The following SLC27A6 variants were observed in gnomAD, a reference collection of about 807,000 sequenced individuals.
The protein encoded by SLC27A6 is solute carrier family 27 member 6.
A neutral mutation model predicts 63.9 loss-of-function variants in SLC27A6; 74 were observed. The ratio of observed to expected loss-of-function variants is 1.16; its 90% CI spans 0.96 to 1.40. SLC27A6 has a LOEUF of 1.40. Among genes scored for constraint, SLC27A6 ranks in the 40% most tolerant of loss-of-function variants. SLC27A6 has a pLI of 0.00. For synonymous variants in SLC27A6, 287 were observed against 260.8 expected (o/e 1.10, Z -0.97); for missense variants, 794 against 732.9 (o/e 1.08, Z -0.96).
chr5:128,989,490 A>G (rs1750901383), intron 3 of SLC27A6, among the ~76,000 whole-genome samples: 1 of 152,266 alleles, frequency 6.6e-6, no homozygotes, highest in African/African-American at 2.4e-5. Context: ...AATATCCACC[A>G]TAAATGAAGA....
chr5:129,005,172 A>G (rs181674992), intron 4 of SLC27A6, among the ~76,000 whole-genome samples: 1 of 152,206 alleles, frequency 6.6e-6, no homozygotes, highest in East Asian at 1.9e-4. Flanking sequence ...CACCTGACCA[A>G]TATTTTGCCC....
chr5:129,009,614 G>A (rs762944398), intron 4 of SLC27A6, among the ~76,000 whole-genome samples: 4 of 151,180 alleles, frequency 2.6e-5, no homozygotes, highest in Non-Finnish European at 5.9e-5. Flanking sequence ...TTTAAATTTA[G>A]CTTTCTAATG....
Position 128,966,512 on chromosome 5 carries a change from CG to C in SLC27A6, c.376del (p.Ala126ProfsTer20). 6.2e-7 allele frequency: 1 copy of C among 1,606,668 alleles called. No individual in the cohort carries two copies. Among genetic ancestry groups the C allele is most frequent in the Non-Finnish European group, 8.5e-7 (1 of 1,177,084 alleles). On this transcript the variant is annotated frameshift_variant, in exon 1 of 10. Transcript: ENST00000262462. LOFTEE classifies it high-confidence loss of function. ...ACTTCGTTCACGTGTGGTTCGGCCT[CG>C]CCAAGCTGGGCTGCGTGGTGGCCTT... is the stretch of plus-strand genomic sequence containing the variant. ...PDFVHVWFGL[A>X]KLGCVVAFLN...
intron 4 of SLC27A6, among the ~76,000 whole-genome samples, chr5:129,006,005 T>G (rs1751510483): frequency 1.3e-5 from 2 of 151,504 alleles, no homozygotes; most frequent in Non-Finnish European, 2.9e-5. Context: ...AATACCTAAT[T>G]TAGACTTTAT....
chr5:128,968,522 G>A (rs1234379332), intron 1 of SLC27A6, among the ~76,000 whole-genome samples: 2 of 152,156 alleles, frequency 1.3e-5, no homozygotes, highest in African/African-American at 2.4e-5. Flanking sequence ...GTGATGATGA[G>A]CATTTTTTCA....
At chr5:129,011,074 T>C (rs1751710714) in intron 4 of SLC27A6, among the ~76,000 whole-genome samples, 1 of 152,224 alleles carries the variant, frequency 6.6e-6, no homozygotes, top group South Asian at 2.1e-4. Flanking sequence ...TTTGGATTGC[T>C]TTCAATTGAG....
At chr5:128,979,937 T>C (rs1750526865) in intron 1 of SLC27A6, among the ~76,000 whole-genome samples, 2 of 152,200 alleles carry the variant, frequency 1.3e-5, no homozygotes, top group Non-Finnish European at 2.9e-5. Flanking sequence ...AGAACTTTGC[T>C]ATGTTAAGTG....
chr5:129,016,395 C>CAAA (rs759333355), intron 5 of SLC27A6, among the ~76,000 whole-genome samples: 6,493 of 64,056 alleles, frequency 0.1, 453 homozygotes, highest in South Asian at 0.12. Flanking sequence ...GACTCTGTCT[C>CAAA]AAAAAAAAAA....
chr5:129,018,593 G>A (rs1380758936), intron 5 of SLC27A6, among the ~76,000 whole-genome samples: 1 of 152,020 alleles, frequency 6.6e-6, no homozygotes, highest in Non-Finnish European at 1.5e-5. Flanking sequence ...TACGTTCCTT[G>A]CAGTTAATTT....
At chr5:129,024,349 T>TA (rs1752167922) in intron 6 of SLC27A6, among the ~76,000 whole-genome samples, 1 of 152,164 alleles carries the variant, frequency 6.6e-6, no homozygotes, top group African/African-American at 2.4e-5. Context: ...TCACTCTAGA[T>TA]ATAATGTAAA....
At chr5:129,002,859 G>C (rs1751387874) in intron 4 of SLC27A6, among the ~76,000 whole-genome samples, 5 of 152,184 alleles carry the variant, frequency 3.3e-5, no homozygotes, top group Admixed American at 3.3e-4. Context: ...GCTCAAGCAT[G>C]TTCTCTCTTT....
intron 4 of SLC27A6, among the ~76,000 whole-genome samples, chr5:129,014,279 C>G (rs760131189): frequency 3.0e-4 from 46 of 152,074 alleles, no homozygotes; most frequent in Non-Finnish European, 4.4e-4. Context: ...CCAGCGTAGC[C>G]TCTAGGTGTG....
chr5:128,994,553 G>A (rs1751090042), intron 4 of SLC27A6, among the ~76,000 whole-genome samples: 1 of 152,142 alleles, frequency 6.6e-6, no homozygotes, highest in African/African-American at 2.4e-5. Flanking sequence ...GTACATCAGT[G>A]GATTCAGGTA....
At chr5:129,030,192 G>T (rs1394107000) in intron 9 of SLC27A6, among the ~76,000 whole-genome samples, 1 of 151,952 alleles carries the variant, frequency 6.6e-6, no homozygotes, top group Admixed American at 6.6e-5. Context: ...GAAATTCTGA[G>T]TTTATTTATT....
rs571734815 is a variant in SLC27A6, at chr5:128,985,510, T to C, written c.685+174T>C. On this transcript the variant is annotated intron_variant, in intron 2 of 9. Coordinates refer to ENST00000262462, the MANE Select transcript of SLC27A6 (RefSeq NM_001017372.3). ...CAACTTGGATGGAAAGTTAATTATC[T>C]TAACTTTTACTTGAAAAGTCATTGT... Among the ~76,000 whole-genome samples the C allele has an allele frequency of 1.5e-3, 233 of 152,356 alleles. 1 individual carries two copies. Among genetic ancestry groups the C allele is most frequent in the African/African-American group, 5.3e-3 (222 of 41,594 alleles).
chr5:129,032,263 A>C (rs1299407934), intron 9 of SLC27A6, among the ~76,000 whole-genome samples: 1 of 152,036 alleles, frequency 6.6e-6, no homozygotes, highest in African/African-American at 2.4e-5. Flanking sequence ...CCTGAAAAAT[A>C]ATCCATATAA....
At chr5:128,984,978 A>T (rs1328531534) in intron 1 of SLC27A6, among the ~76,000 whole-genome samples, 155 bp from the exon 2 acceptor site, 1 of 152,194 alleles carries the variant, frequency 6.6e-6, no homozygotes, top group Non-Finnish European at 1.5e-5. Flanking sequence ...TTGAAACGGA[A>T]CCATAAAATG....
chr5:128,984,653 A>G (rs957804951), intron 1 of SLC27A6, among the ~76,000 whole-genome samples: 2 of 152,166 alleles, frequency 1.3e-5, no homozygotes, highest in African/African-American at 2.4e-5. Flanking sequence ...TGGCTTTGGA[A>G]TGATTTCTAA....
intron 1 of SLC27A6, among the ~76,000 whole-genome samples, chr5:128,980,408 A>G (rs1164757800): frequency 6.6e-6 from 1 of 152,236 alleles, no homozygotes; most frequent in Non-Finnish European, 1.5e-5. Flanking sequence ...TGTCAGAAGC[A>G]GTGTTTGAAT....
Sources: gnomAD v4.1 joint callset for allele counts (sites outside exome capture counted in the v4.1 genomes callset) on GRCh38, gnomAD v4.1.1 for gene constraint, MANE v1.5 for transcripts, NCBI Gene and HGNC (gene_info 2026-07-23, HGNC 2026-07-21) for gene names.